The following RPL10 variants were observed in gnomAD, a reference collection of about 807,000 sequenced individuals.
The protein encoded by RPL10 is ribosomal protein L10, also known as large ribosomal subunit protein uL16.
A neutral mutation model predicts 15.7 loss-of-function variants in RPL10; 1 was observed. That is an observed-to-expected ratio of 0.06 (90% confidence interval 0.02 to 0.30). The LOEUF (loss-of-function observed/expected upper bound fraction) is 0.30, where lower values mean the gene tolerates loss of function less well. RPL10 is among the 10% of genes least tolerant of loss of function. The pLI is 1.00. For missense variants in RPL10, 54 were observed against 183.4 expected, an observed-to-expected ratio of 0.29 and a Z score of 4.08; for synonymous variants, 59 against 64.0, an observed-to-expected ratio of 0.92 and a Z score of 0.37.
At chrX:154,398,367 G>A (rs782123122), upstream of RPL10, 31 of 694,703 alleles carry the variant, frequency 4.5e-5, no homozygotes, top group Middle Eastern at 2.9e-4. Flanking sequence ...ATGCGCAGGC[G>A]GAGGAGCGCC....
chrX:154,401,414 C>T lies in RPL10; in HGVS notation c.*560C>T, dbSNP rs1557186256. On this transcript the variant is annotated 3_prime_UTR_variant, in exon 7 of 7. Transcript: ENST00000369817. ...CTCTAGCAACCTCCTGGGCCCCATG[C>T]CCCCACCCCTTCTAGAACCTGCATT... The T allele has an allele frequency of 7.1e-6, 1 of 141,092 alleles. No individual in the cohort carries two copies. Among genetic ancestry groups the T allele is most frequent in the Non-Finnish European group, 1.4e-5 (1 of 70,096 alleles). The allele number at this position is 141,092 out of a possible 1,213,427, so 11.6% of individuals were successfully genotyped here. A position where few individuals can be genotyped will look rare whatever the true frequency, so the allele number is the denominator to read the frequency against.
In RPL10 at chrX:154,399,468, A is replaced by T; in HGVS notation, c.83-19A>T. ...CGTCCGTCTGTGACACCCCCTGCAC[A>T]CTTACCCAATCCTTTTAGATGCCAA... On this transcript the variant is annotated intron_variant, in intron 3 of 6. Transcript: ENST00000369817. The T allele has an allele frequency of 2.5e-6, 3 of 1,211,326 alleles. No individual in the cohort carries two copies. Among genetic ancestry groups the T allele is most frequent in the East Asian group, 3.0e-5 (1 of 33,878 alleles).
Position 154,401,737 on chromosome X carries a change from A to G in RPL10, c.*883A>G, listed in dbSNP as rs1483453291. 5.4e-5 allele frequency: 6 copies of G among 111,935 alleles called. No homozygotes were observed. The highest frequency in any genetic ancestry group is 1.1e-4 in the Non-Finnish European group (6 of 53,102). The allele number at this position is 111,935 out of a possible 1,213,427, so 9.2% of individuals were successfully genotyped here. ...CCCAAAAGGCCTCTGGTTTTTTGTA[A>G]TCTCAGTTTACAGCCATTTCTTAGG... On this transcript the variant is annotated 3_prime_UTR_variant, in exon 7 of 7. Coordinates refer to ENST00000369817, the MANE Select transcript of RPL10 (RefSeq NM_006013.5).
chrX:154,398,782 G>C, intron 2 of RPL10: 1 of 447,308 alleles, frequency 2.2e-6, no homozygotes, highest in East Asian at 3.8e-5. Flanking sequence ...TGTCCTGCAA[G>C]CTCACCGCAT....
At chrX:154,399,621 C>T in intron 4 of RPL10, 27 bp downstream of exon 4, 6 of 1,187,838 alleles carry the variant, frequency 5.1e-6, no homozygotes, top group Non-Finnish European at 6.9e-6. Context: ...TGTTCGTCAC[C>T]CCCCAGTCCT....
Position 154,401,367 on chromosome X carries a change from T to A in RPL10, c.*513T>A, listed in dbSNP as rs1230803544. The A allele has an allele frequency of 3.2e-5, 5 of 156,142 alleles. No homozygotes were observed. Among genetic ancestry groups the A allele is most frequent in the Non-Finnish European group, 6.2e-5 (5 of 80,604 alleles). The allele number at this position is 156,142 out of a possible 1,213,427, so 12.9% of individuals were successfully genotyped here. On this transcript the variant is annotated 3_prime_UTR_variant, in exon 7 of 7. Coordinates refer to ENST00000369817, the MANE Select transcript of RPL10 (RefSeq NM_006013.5). Reference sequence around the variant, plus strand: ...TCATCCAGGTACTGCTGAGGTCACCTGCGATTTGCCCCATTTCCTATCTCT... The same window carrying A: ...TCATCCAGGTACTGCTGAGGTCACCAGCGATTTGCCCCATTTCCTATCTCT...
rs2067953046 is a variant in RPL10 at position 154,398,382 on chromosome X, T to G, written c.-36T>G. The G allele has an allele frequency of 1.3e-6, 1 of 793,223 alleles. No homozygotes were observed. Among genetic ancestry groups the G allele is most frequent in the African/African-American group, 2.0e-5 (1 of 49,606 alleles). The allele number at this position is 793,223 out of a possible 1,213,427, so 65.4% of individuals were successfully genotyped here. On this transcript the variant is annotated 5_prime_UTR_variant, in exon 1 of 7. Transcript: ENST00000369817. ...ATGCGCAGGCGGAGGAGCGCCTCTT[T>G]CCCTTCGGTGTGGTGAGTAAGCGCA...
intron 2 of RPL10, chrX:154,398,858 G>T: frequency 5.1e-6 from 2 of 389,802 alleles, no homozygotes; most frequent in African/African-American, 2.5e-5. Context: ...CGGGCGACGT[G>T]CCGCGTGCGT....
Position 154,399,353 on chromosome X carries a change from G to A in RPL10, c.39G>A (p.Lys13=), listed in dbSNP as rs782767297. The A allele has an allele frequency of 4.1e-5, 49 of 1,209,721 alleles. No homozygotes were observed. In the South Asian group the frequency reaches 8.4e-4, roughly 21 times the overall value. Residue 13 remains lysine, a synonymous_variant, in exon 3 of 7, where the codon AAG becomes AAA. Coordinates refer to ENST00000369817, the MANE Select transcript of RPL10 (RefSeq NM_006013.5). ...TCCCCTGCAGTTACCGGTATTGTAA[G>A]AACAAGCCGTACCCAAAGTCTCGCT... ...RRPARCYRYC[K]NKPYPKSRFC...
At chrX:154,398,798 G>A (rs2067963041) in intron 2 of RPL10, 1 of 438,472 alleles carries the variant, frequency 2.3e-6, no homozygotes, top group Non-Finnish European at 4.1e-6. Flanking sequence ...CGCATTTTCG[G>A]GCGCTAGATA....
chrX:154,398,869 TGTC>T (rs1603368141), intron 2 of RPL10: 1 of 379,767 alleles, frequency 2.6e-6, no homozygotes, highest in African/African-American at 2.5e-5. Context: ...CCGCGTGCGT[TGTC>T]GGACGTGAAG....
Position 154,401,793 on chromosome X carries a change from A to G in RPL10, c.*939A>G, listed in dbSNP as rs1334360234. 1.8e-5 allele frequency: 2 copies of G among 109,260 alleles called. No individual in the cohort carries two copies. Among genetic ancestry groups the G allele is most frequent in the Non-Finnish European group, 3.8e-5 (2 of 53,031 alleles). The allele number at this position is 109,260 out of a possible 1,213,427, so 9.0% of individuals were successfully genotyped here. ...AATTACCTTTATTTTATTTTGCCAA[A>G]CATACCTGGGAATACCTTTTATTTT... On this transcript the variant is annotated 3_prime_UTR_variant, in exon 7 of 7. Transcript: ENST00000369817.
At position 154,399,399 on chromosome X, in the gene RPL10, A is replaced by G; in HGVS notation, c.82+3A>G. 2 of 1,211,272 alleles carry G rather than the reference A, an allele frequency of 1.7e-6. No homozygotes were observed. The highest frequency in any genetic ancestry group is 2.2e-6 in the Non-Finnish European group (2 of 895,033). ...TCGCTTCTGCCGAGGTGTCCCTGGT[A>G]AGTAGTGGAAGAGCCCCTGCACTGG... On this transcript the variant is annotated splice_donor_region_variant and intron_variant, in intron 3 of 6. Transcript: ENST00000369817.
chrX:154,399,975 A>T (rs1308801504), intron 5 of RPL10, 34 bp downstream of exon 5: 5 of 1,203,805 alleles, frequency 4.2e-6, no homozygotes, highest in Non-Finnish European at 5.6e-6. Flanking sequence ...AGGCAGTTGG[A>T]GTCTCTACAT....
At chrX:154,398,668 CTA>C (rs2067960172) in intron 2 of RPL10, 126 bp downstream of exon 2, 1 of 804,573 alleles carries the variant, frequency 1.2e-6, no homozygotes, top group Non-Finnish European at 1.9e-6. Flanking sequence ...GGAACTGACC[CTA>C]TGTTTTACAC....
chrX:154,398,582 G>A (rs375145727), intron 2 of RPL10, 40 bp downstream of exon 2: 25 of 1,205,712 alleles, frequency 2.1e-5, no homozygotes, highest in East Asian at 8.9e-5. Context: ...CTGGGAAACG[G>A]GCGGGGAAAG....
At chrX:154,399,434 C>T (rs2067978521) in intron 3 of RPL10, 38 bp downstream of exon 3, 4 of 1,208,011 alleles carry the variant, frequency 3.3e-6, no homozygotes, top group East Asian at 3.0e-5. Context: ...GTTGGCTCTG[C>T]GGACTCCGCG....
In RPL10 at chrX:154,400,981, C is replaced by CT. The variant is rs2068019692; in HGVS notation, c.*130dup. Reference sequence around the variant, plus strand: ...CTCTGGGAACCTTTGGGTCATTGCCCTTTCACTTCAGAAACAGGTTGACAA... The same window carrying CT: ...CTCTGGGAACCTTTGGGTCATTGCCCTTTTCACTTCAGAAACAGGTTGACAA... On this transcript the variant is annotated 3_prime_UTR_variant, in exon 7 of 7. Coordinates refer to ENST00000369817, the MANE Select transcript of RPL10 (RefSeq NM_006013.5). 1.7e-6 allele frequency: 2 copies of CT among 1,170,117 alleles called. No individual in the cohort carries two copies. Among genetic ancestry groups the CT allele is most frequent in the Non-Finnish European group, 2.3e-6 (2 of 874,363 alleles).
chrX:154,402,277 G>A lies in RPL10; in HGVS notation c.*1423G>A. ...AACCACCCTCCTTGTAGCTATTGGG[G>A]CTTAATGGTTTCCTGGTGATTCTTA... On this transcript the variant is annotated 3_prime_UTR_variant, in exon 7 of 7. Transcript: ENST00000369817. 1 of 140,243 alleles carries A rather than the reference G, an allele frequency of 7.1e-6. No homozygotes were observed. The highest frequency in any genetic ancestry group is 1.4e-5 in the Non-Finnish European group (1 of 69,998). The allele number at this position is 140,243 out of a possible 1,213,427, so 11.6% of individuals were successfully genotyped here.
Sources: allele counts gnomAD v4.1 joint callset, GRCh38; gene constraint gnomAD v4.1.1; transcripts MANE v1.5; gene names NCBI Gene and HGNC (gene_info 2026-07-23, HGNC 2026-07-21).